Variants in SUV39H2 observed in about 807,000 individuals in gnomAD.
SUV39H2 encodes histone-lysine N-methyltransferase SUV39H2.
SUV39H2 carries 10 observed loss-of-function variants against 47.5 expected under a neutral mutation model. The ratio of observed to expected loss-of-function variants is 0.21; its 90% CI spans 0.13 to 0.36. SUV39H2 has a LOEUF of 0.36. Among genes scored for constraint, SUV39H2 ranks in the 10% least tolerant of loss-of-function variants. The pLI is 1.00. For missense variants in SUV39H2, 266 were observed against 487.4 expected (o/e 0.55, Z 4.28); for synonymous variants, 159 against 166.8 (o/e 0.95, Z 0.36).
intron 1 of SUV39H2, 67 bp from the exon 2 acceptor site, chr10:14,881,433 A>G (rs960131239): frequency 5.5e-6 from 7 of 1,277,812 alleles, no homozygotes; most frequent in Non-Finnish European, 6.0e-6. Flanking sequence ...AGAGGTTTTA[A>G]GTTTCTCTTT....
intron 2 of SUV39H2, among the ~76,000 whole-genome samples, chr10:14,883,042 A>G (rs1833088283): frequency 6.6e-6 from 1 of 151,326 alleles, no homozygotes; most frequent in Non-Finnish European, 1.5e-5. Context: ...TAATTTTTGT[A>G]TTTTTTAGTA....
rs542448512 is a variant in SUV39H2 at position 14,901,549 on chromosome 10, T to G, written c.1126+287T>G. 5.3e-3 allele frequency among the ~76,000 whole-genome samples: 807 copies of G among 152,164 alleles called. 5 individuals are homozygous for G. The highest frequency in any genetic ancestry group is 6.7e-3 in the Non-Finnish European group (454 of 67,982). On this transcript the variant is annotated intron_variant, in intron 5 of 5. Coordinates refer to ENST00000354919, the MANE Select transcript of SUV39H2 (RefSeq NM_001193424.2). ...TCTTAATACTGTACTACTTGTCTTT[T>G]TTTTTTTTTTTAAATTGTGGGCTAA...
At chr10:14,886,733 G>C (rs1369398247) in intron 2 of SUV39H2, among the ~76,000 whole-genome samples, 1 of 152,212 alleles carries the variant, frequency 6.6e-6, no homozygotes, top group Non-Finnish European at 1.5e-5. Flanking sequence ...AGATTAATAA[G>C]AAACTCCCTC....
Position 14,888,634 on chromosome 10 carries a change from CA to C in SUV39H2, c.177+7000del, listed in dbSNP as rs368463041. Among the ~76,000 whole-genome samples, 75 of 129,600 alleles carry C rather than the reference CA, an allele frequency of 5.8e-4. 1 individual carries two copies. Among genetic ancestry groups the C allele is most frequent in the Admixed American group, 6.3e-4 (8 of 12,752 alleles). 85.0% of individuals were successfully genotyped at this position (129,600 alleles called of 152,430 possible). A position where few individuals can be genotyped will look rare whatever the true frequency, so the allele number is the denominator to read the frequency against. ...CTGGTGACAGAGCGAGACTCGGTCT[CA>C]AAAAAAAAAAGAAAGAAAATGGGAA... On this transcript the variant is annotated intron_variant, in intron 2 of 5. Transcript: ENST00000354919.
At chr10:14,890,673 GTTATT>G (rs1239290688) in intron 2 of SUV39H2, among the ~76,000 whole-genome samples, 1 of 152,162 alleles carries the variant, frequency 6.6e-6, no homozygotes, top group Non-Finnish European at 1.5e-5. Flanking sequence ...CCAGATGCAG[GTTATT>G]TTAACACTGA....
At chr10:14,897,566 CTTTTGGA>C (rs781335014) in intron 3 of SUV39H2, 49 bp downstream of exon 3, 5 of 1,420,068 alleles carry the variant, frequency 3.5e-6, no homozygotes, top group Non-Finnish European at 4.6e-6. Context: ...AAGGTTTATA[CTTTTGGA>C]AAATTACCTT....
intron 2 of SUV39H2, among the ~76,000 whole-genome samples, chr10:14,887,746 G>T (rs180991176): frequency 5.2e-4 from 79 of 152,318 alleles, no homozygotes; most frequent in African/African-American, 1.7e-3. Context: ...AGAGTTTATC[G>T]TTCAGTGAGG....
At chr10:14,894,359 T>G (rs1320992070) in intron 2 of SUV39H2, among the ~76,000 whole-genome samples, 4 of 73,020 alleles carry the variant, frequency 5.5e-5, no homozygotes, top group African/African-American at 9.5e-5. Flanking sequence ...AGCAAAGTTT[T>G]TTTTTTTTTT....
At chr10:14,882,340 T>G (rs899752591) in intron 2 of SUV39H2, among the ~76,000 whole-genome samples, 1 of 152,252 alleles carries the variant, frequency 6.6e-6, no homozygotes, top group East Asian at 1.9e-4. Flanking sequence ...GAATCTTGTT[T>G]AAGTCTTTAT....
intron 2 of SUV39H2, among the ~76,000 whole-genome samples, chr10:14,886,794 G>A (rs1057245423): frequency 5.3e-5 from 8 of 152,338 alleles, no homozygotes; most frequent in Middle Eastern, 3.4e-3. Context: ...GAAATAACCC[G>A]TTGCAGTGTA....
At position 14,882,906 on chromosome 10, in the gene SUV39H2, C is replaced by T. The variant is rs367616820; in HGVS notation, c.177+1261C>T. Among the ~76,000 whole-genome samples the T allele has an allele frequency of 3.3e-5, 5 of 149,718 alleles. No individual in the cohort carries two copies. In the South Asian group the frequency reaches 6.3e-4, roughly 19 times the overall value. The stretch of plus-strand genomic sequence containing the variant: ...TAAAGGCCCAGAGTCTCGCTCTTGT[C>T]GCCCAGGCTGGAGTGCAGTCGTGCG... On this transcript the variant is annotated intron_variant, in intron 2 of 5. Coordinates refer to ENST00000354919, the MANE Select transcript of SUV39H2 (RefSeq NM_001193424.2).
At chr10:14,885,336 A>G (rs1833172981) in intron 2 of SUV39H2, among the ~76,000 whole-genome samples, 3 of 152,018 alleles carry the variant, frequency 2.0e-5, no homozygotes, top group Non-Finnish European at 4.4e-5. Flanking sequence ...TAATTCTCCC[A>G]CTTACCTAAC....
chr10:14,886,686 T>C (rs1564335807), intron 2 of SUV39H2, among the ~76,000 whole-genome samples: 1 of 152,234 alleles, frequency 6.6e-6, no homozygotes, highest in Non-Finnish European at 1.5e-5. Context: ...GAGTTTCTTC[T>C]GTGTGCCAGA....
chr10:14,893,041 C>T (rs1456125965), intron 2 of SUV39H2, among the ~76,000 whole-genome samples: 1 of 133,806 alleles, frequency 7.5e-6, no homozygotes, highest in African/African-American at 2.8e-5. Flanking sequence ...GTCTCGCTGT[C>T]GCCCAGGCTG....
chr10:14,883,519 A>G (rs936123571), intron 2 of SUV39H2, among the ~76,000 whole-genome samples: 2 of 151,748 alleles, frequency 1.3e-5, no homozygotes, highest in African/African-American at 4.8e-5. Context: ...AGCCTGGCCA[A>G]CATAGTGAAA....
At position 14,878,931 on chromosome 10, in the gene SUV39H2, G is replaced by A; in HGVS notation, c.31+12G>A. On this transcript the variant is annotated intron_variant, in intron 1 of 5. Coordinates refer to ENST00000354919, the MANE Select transcript of SUV39H2 (RefSeq NM_001193424.2). ...CGAGGCGCGAGGAGGTGAGGCTGGA[G>A]CGCGGCCCCCTCGCCTTCCCTGTTC... is the stretch of plus-strand genomic sequence containing the variant. 2 of 1,465,254 alleles carry A rather than the reference G, an allele frequency of 1.4e-6. No individual in the cohort carries two copies. The highest frequency in any genetic ancestry group is 1.8e-6 in the Non-Finnish European group (2 of 1,105,892). The allele number at this position is 1,465,254 out of a possible 1,614,324, so 90.8% of individuals were successfully genotyped here. A position where few individuals can be genotyped will look rare whatever the true frequency, so the allele number is the denominator to read the frequency against.
intron 2 of SUV39H2, among the ~76,000 whole-genome samples, chr10:14,885,699 C>G (rs1012372436): frequency 2.0e-5 from 3 of 152,216 alleles, no homozygotes; most frequent in African/African-American, 7.2e-5. Flanking sequence ...TTCTGTCTGG[C>G]ACAGATATTG....
At chr10:14,881,128 TAA>T (rs1833029466) in intron 1 of SUV39H2, among the ~76,000 whole-genome samples, 1 of 152,218 alleles carries the variant, frequency 6.6e-6, no homozygotes, top group South Asian at 2.1e-4. Context: ...TACATTTTAT[TAA>T]AATAGTGATT....
intron 2 of SUV39H2, among the ~76,000 whole-genome samples, chr10:14,896,180 C>T (rs925321700): frequency 7.9e-5 from 12 of 152,016 alleles, no homozygotes; most frequent in Non-Finnish European, 1.3e-4. Context: ...TGGGCTCAAG[C>T]GATCCACCCA....
Sources: gnomAD v4.1 joint callset for allele counts (sites outside exome capture counted in the v4.1 genomes callset) on GRCh38, gnomAD v4.1.1 for gene constraint, MANE v1.5 for transcripts, NCBI Gene and HGNC (gene_info 2026-07-23, HGNC 2026-07-21) for gene names.